The following POPDC3 variants were observed in gnomAD, a reference collection of about 807,000 sequenced individuals.
POPDC3 encodes popeye domain-containing protein 3.
POPDC3 carries 20 observed loss-of-function variants against 28.2 expected under a neutral mutation model. The observed-to-expected ratio is 0.71, with a 90% CI of 0.50 to 1.03. POPDC3 has a LOEUF of 1.03. Ranked by LOEUF, POPDC3 falls within the 50% of genes least tolerant of loss-of-function variation. POPDC3 has a pLI of 0.00. For missense variants in POPDC3, 316 were observed against 345.9 expected (o/e 0.91, Z 0.69); for synonymous variants, 118 against 124.1 (o/e 0.95, Z 0.33).
intron 1 of POPDC3, among the ~76,000 whole-genome samples, chr6:105,166,990 C>A (rs1478241303): frequency 6.6e-6 from 1 of 151,180 alleles, no homozygotes; most frequent in Non-Finnish European, 1.5e-5. Flanking sequence ...ACAAAGTGGT[C>A]TTTAGTAAAC....
rs1383219175 is a variant in POPDC3, at chr6:105,180,012, G to T, written c.-431C>A. ...GCAGCGGGCTCCGGAGCGGCGCGGC[G>T]GCGCGGGCGGGTGCCGGGCACGGGC... On this transcript the variant is annotated 5_prime_UTR_variant, in exon 1 of 4. Coordinates refer to ENST00000254765, the MANE Select transcript of POPDC3 (RefSeq NM_022361.5). 6.8e-6 allele frequency: 1 copy of T among 146,032 alleles called. No individual in the cohort carries two copies. The highest frequency in any genetic ancestry group is 1.5e-5 in the Non-Finnish European group (1 of 65,762). 9.0% of individuals were successfully genotyped at this position (146,032 alleles called of 1,614,324 possible).
intron 1 of POPDC3, among the ~76,000 whole-genome samples, chr6:105,166,868 T>TTG (rs5878839): frequency 0.06 from 8,891 of 148,974 alleles, 668 homozygotes; most frequent in African/African-American, 0.18. Context: ...ACATAGATGG[T>TTG]TGTGTGTGTG....
intron 1 of POPDC3, among the ~76,000 whole-genome samples, chr6:105,175,001 T>C (rs1480096555): frequency 1.3e-5 from 2 of 151,894 alleles, no homozygotes; most frequent in East Asian, 3.9e-4. Context: ...ACCCCATCTC[T>C]ACTAAAAATA....
intron 1 of POPDC3, among the ~76,000 whole-genome samples, chr6:105,163,177 G>T (rs1390713921): frequency 6.6e-6 from 1 of 152,170 alleles, no homozygotes; most frequent in Non-Finnish European, 1.5e-5. Flanking sequence ...AGAAACAAAT[G>T]TACTACTTTG....
rs747002503 is a variant in POPDC3, at chr6:105,158,802, T to G, written c.595-51A>C. 4.3e-5 allele frequency: 63 copies of G among 1,470,176 alleles called. No individual in the cohort carries two copies. The East Asian group carries it at 1.1e-3, about 25-fold the overall frequency. 91.1% of individuals were successfully genotyped at this position (1,470,176 alleles called of 1,614,324 possible). ...ACAGATGTGGAAGCAAGAAAACTTC[T>G]GCCACATTTTTAGTACCCCAATTGT... On this transcript the variant is annotated intron_variant, in intron 3 of 3. Transcript: ENST00000254765.
intron 1 of POPDC3, among the ~76,000 whole-genome samples, chr6:105,163,398 C>T (rs1271624293): frequency 6.6e-6 from 1 of 152,106 alleles, no homozygotes; most frequent in East Asian, 1.9e-4. Flanking sequence ...GACAGAGCTA[C>T]AGGATATATG....
At chr6:105,176,111 A>C (rs568662861) in intron 1 of POPDC3, among the ~76,000 whole-genome samples, 1 of 152,360 alleles carries the variant, frequency 6.6e-6, no homozygotes, top group South Asian at 2.1e-4. Context: ...CTGTTAAAAT[A>C]TAATTTTTTT....
In POPDC3 at chr6:105,159,830, A is replaced by G; in HGVS notation, c.486-11T>C. On this transcript the variant is annotated splice_polypyrimidine_tract_variant and intron_variant, in intron 2 of 3. Transcript: ENST00000254765. Reference sequence around the variant, plus strand: ...ACTGTCACTCTGATCCTATCAAAACACAAGAACAACATTTATAAGGGAAGG... The same window carrying G: ...ACTGTCACTCTGATCCTATCAAAACGCAAGAACAACATTTATAAGGGAAGG... 6 of 1,572,326 alleles carry G rather than the reference A, an allele frequency of 3.8e-6. No individual in the cohort carries two copies. The highest frequency in any genetic ancestry group is 5.3e-6 in the Non-Finnish European group (6 of 1,142,586).
chr6:105,160,791 G>T (rs1403688110), intron 2 of POPDC3, among the ~76,000 whole-genome samples: 1 of 151,704 alleles, frequency 6.6e-6, no homozygotes, highest in Non-Finnish European at 1.5e-5. Flanking sequence ...GTACAGATGG[G>T]AGTTTCACAG....
rs186167528 is a variant in POPDC3, at chr6:105,173,512, T to C, written c.-252+6321A>G. Among the ~76,000 whole-genome samples the C allele has an allele frequency of 1.3e-4, 20 of 152,298 alleles. No individual in the cohort carries two copies. The East Asian group carries it at 3.1e-3, about 24-fold the overall frequency. On this transcript the variant is annotated intron_variant, in intron 1 of 3. Transcript: ENST00000254765. ...ACCCTGTGTCAGAACCTGTGTGAAC[T>C]ACTACATGTATATTATTTCATAGCT... is the stretch of plus-strand genomic sequence containing the variant.
rs753440510 is a variant in POPDC3, at chr6:105,176,612, G to A, written c.-252+3221C>T. Among the ~76,000 whole-genome samples, 11 of 151,820 alleles carry A rather than the reference G, an allele frequency of 7.2e-5. No individual in the cohort carries two copies. The South Asian group carries it at 8.3e-4, about 11-fold the overall frequency. On this transcript the variant is annotated intron_variant, in intron 1 of 3. Coordinates refer to ENST00000254765, the MANE Select transcript of POPDC3 (RefSeq NM_022361.5). The stretch of plus-strand genomic sequence containing the variant: ...TGCTCTGTCACCCAGGCTGGAGTGC[G>A]GTGGCGCGATCTCAGCTCACTGCAA...
At chr6:105,170,170 C>A (rs530687101) in intron 1 of POPDC3, among the ~76,000 whole-genome samples, 4 of 152,260 alleles carry the variant, frequency 2.6e-5, no homozygotes, top group African/African-American at 7.2e-5. Context: ...AGGCTCTGCT[C>A]AAGTTCTTCT....
chr6:105,164,947 A>G (rs564612169), intron 1 of POPDC3, among the ~76,000 whole-genome samples: 2 of 152,362 alleles, frequency 1.3e-5, no homozygotes, highest in South Asian at 4.1e-4. Flanking sequence ...TGCAAAGTAA[A>G]CCTGCTGGCA....
chr6:105,169,069 T>C (rs1224670213), intron 1 of POPDC3: 1 of 152,214 alleles, frequency 6.6e-6, no homozygotes, highest in Admixed American at 6.5e-5. Flanking sequence ...CAAAAACTGA[T>C]AACAAATATT....
rs1227182266 is a variant in POPDC3, at chr6:105,161,756, A to T, written c.154T>A (p.Tyr52Asn). 1 of 1,614,176 alleles carries T rather than the reference A, an allele frequency of 6.2e-7. No individual in the cohort carries two copies. Among genetic ancestry groups the T allele is most frequent in the African/African-American group, 1.3e-5 (1 of 75,058 alleles). The change falls in exon 2 of 4, where the codon TAT (tyrosine) becomes AAT (asparagine). Residue 52 changes from tyrosine (Y) to asparagine (N), a missense_variant. Physicochemically the swap from Tyr to Asn is moderately radical, Grantham distance 143. Transcript: ENST00000254765. The stretch of plus-strand genomic sequence containing the variant: ...CCCAACCCCAGCAAACTGAAGACAT[A>T]AAGGAGCCCGAAGAATCCACTGCCA... ...MGGSGFFGLL[Y>N]VFSLLGLGFL...
chr6:105,165,540 G>C (rs115451012), intron 1 of POPDC3, among the ~76,000 whole-genome samples: 32 of 152,282 alleles, frequency 2.1e-4, no homozygotes, highest in African/African-American at 7.7e-4. Flanking sequence ...TCTATCCAAT[G>C]TAACAGATAT....
intron 1 of POPDC3, among the ~76,000 whole-genome samples, chr6:105,175,874 C>G (rs911895826): frequency 4.0e-5 from 6 of 151,840 alleles, no homozygotes; most frequent in African/African-American, 1.5e-4. Context: ...AGAATAAAAA[C>G]TGGGATATGA....
At chr6:105,170,301 A>C (rs1177297927) in intron 1 of POPDC3, among the ~76,000 whole-genome samples, 2 of 152,214 alleles carry the variant, frequency 1.3e-5, no homozygotes, top group Non-Finnish European at 2.9e-5. Flanking sequence ...AAGATGCAAG[A>C]GAAACTAGAT....
chr6:105,166,587 C>T, intron 1 of POPDC3: 2 of 471,282 alleles, frequency 4.2e-6, no homozygotes, highest in South Asian at 1.5e-5. Flanking sequence ...TCACTTCCAT[C>T]CTTTACCTCG....
Sources: allele counts gnomAD v4.1 joint callset (sites outside exome capture counted in the v4.1 genomes callset), GRCh38; gene constraint gnomAD v4.1.1; transcripts MANE v1.5; gene names NCBI Gene and HGNC (gene_info 2026-07-23, HGNC 2026-07-21).